The following MUSK variants were observed in gnomAD, a reference collection of about 807,000 sequenced individuals.
MUSK encodes muscle associated receptor tyrosine kinase, also known as muscle, skeletal receptor tyrosine-protein kinase.
Under a neutral mutation model 88.7 loss-of-function variants are expected in MUSK, and 55 were observed. That is an observed-to-expected ratio of 0.62 (90% CI 0.50 to 0.78). The LOEUF is 0.78. MUSK is among the 30% of genes least tolerant of loss of function. The pLI is 0.00. For missense variants in MUSK, 1,015 were observed against 1,074.3 expected (o/e 0.94, Z 0.77); for synonymous variants, 387 against 391.9 (o/e 0.99, Z 0.15).
At chr9:110,729,778 A>C (rs142474410) in intron 5 of MUSK, among the ~76,000 whole-genome samples, 110 of 152,172 alleles carry the variant, frequency 7.2e-4, no homozygotes, top group African/African-American at 2.5e-3. Context: ...AGAAATAGAA[A>C]TTGATAAGAG....
Position 110,773,306 on chromosome 9 carries a change from T to C in MUSK, c.1185-2482T>C, listed in dbSNP as rs534464804. On this transcript the variant is annotated intron_variant, in intron 9 of 14. Coordinates refer to ENST00000374448, the MANE Select transcript of MUSK (RefSeq NM_005592.4). ...AACTTTAAAAATAAGGTGTTCAGGG[T>C]AGACTTAATTAAGTTAGCATAATTG... Among the ~76,000 whole-genome samples the C allele has an allele frequency of 9.9e-5, 15 of 152,206 alleles. 1 individual carries two copies. In the South Asian group the frequency reaches 3.1e-3, roughly 31 times the overall value.
At chr9:110,713,071 A>G (rs1260573035) in intron 5 of MUSK, among the ~76,000 whole-genome samples, 1 of 152,046 alleles carries the variant, frequency 6.6e-6, no homozygotes. Context: ...GAAAAAGAAA[A>G]TAGAGGAAAA....
chr9:110,681,618 A>G (rs929313755), intron 1 of MUSK, among the ~76,000 whole-genome samples: 1 of 152,068 alleles, frequency 6.6e-6, no homozygotes, highest in African/African-American at 2.4e-5. Flanking sequence ...GCTTAAACTG[A>G]ATCGTAAAAG....
At chr9:110,789,310 G>A (rs2077931697) in intron 14 of MUSK, among the ~76,000 whole-genome samples, 1 of 152,348 alleles carries the variant, frequency 6.6e-6, no homozygotes, top group East Asian at 1.9e-4. Context: ...TGTGAAAGTA[G>A]AGCCAAATAA....
chr9:110,738,085 T>C lies in MUSK; in HGVS notation c.753+3710T>C, dbSNP rs566355295. ...TTTCCATGACTTTGTAGGGAAAATG[T>C]ATCCATTCTCCTCTCAGTAAACCTC... On this transcript the variant is annotated intron_variant, in intron 6 of 14. Coordinates refer to ENST00000374448, the MANE Select transcript of MUSK (RefSeq NM_005592.4). Among the ~76,000 whole-genome samples the C allele has an allele frequency of 4.6e-5, 7 of 152,276 alleles. No homozygotes were observed. In the East Asian group the frequency reaches 1.4e-3, roughly 29 times the overall value.
intron 7 of MUSK, among the ~76,000 whole-genome samples, chr9:110,755,979 C>CAT (rs61338385): frequency 0.06 from 6,144 of 102,420 alleles, 323 homozygotes; most frequent in African/African-American, 0.11. Flanking sequence ...TATATATATA[C>CAT]ATATATATAT....
intron 1 of MUSK, among the ~76,000 whole-genome samples, chr9:110,679,096 CATTAT>C (rs2076071404): frequency 1.3e-5 from 2 of 151,884 alleles, no homozygotes; most frequent in Admixed American, 1.3e-4. Flanking sequence ...TATAAATGTA[CATTAT>C]ATCTAGTGTT....
At chr9:110,731,606 T>C (rs1179222801) in intron 5 of MUSK, among the ~76,000 whole-genome samples, 1 of 152,030 alleles carries the variant, frequency 6.6e-6, no homozygotes, top group Non-Finnish European at 1.5e-5. Flanking sequence ...CTGCACTTAA[T>C]GAAACCCATG....
At chr9:110,694,407 C>A (rs10980528) in intron 3 of MUSK, among the ~76,000 whole-genome samples, 28,487 of 102,754 alleles carry the variant, frequency 0.28, 4,346 homozygotes, top group Non-Finnish European at 0.37. Context: ...AAAAAAAAAA[C>A]AAAAAAACAA....
intron 5 of MUSK, among the ~76,000 whole-genome samples, chr9:110,723,256 C>CAG (rs1043565142): frequency 6.6e-6 from 1 of 151,608 alleles, no homozygotes; most frequent in Non-Finnish European, 1.5e-5. Context: ...CACACACACA[C>CAG]ACACACATAC....
chr9:110,748,400 C>T (rs1469480535), intron 7 of MUSK, among the ~76,000 whole-genome samples: 2 of 152,070 alleles, frequency 1.3e-5, no homozygotes, highest in Non-Finnish European at 2.9e-5. Flanking sequence ...GTGGTCTTTC[C>T]CTTCCCTGCT....
chr9:110,781,489 G>A (rs1455054590), intron 11 of MUSK, among the ~76,000 whole-genome samples: 1 of 152,150 alleles, frequency 6.6e-6, no homozygotes, highest in Non-Finnish European at 1.5e-5. Flanking sequence ...TGTTAGCCAG[G>A]ATGGTCTCGA....
intron 9 of MUSK, 48 bp downstream of exon 9, chr9:110,768,131 G>A: frequency 6.5e-7 from 1 of 1,531,424 alleles, no homozygotes; most frequent in Admixed American, 2.0e-5. Flanking sequence ...TTTTCTATCT[G>A]CACAACAGAA....
chr9:110,737,231 T>C (rs1587974108), intron 6 of MUSK, among the ~76,000 whole-genome samples: 1 of 152,032 alleles, frequency 6.6e-6, no homozygotes, highest in Non-Finnish European at 1.5e-5. Context: ...TGTCATTATA[T>C]AGACTTTAAC....
chr9:110,726,576 A>G (rs2076887086), intron 5 of MUSK, among the ~76,000 whole-genome samples: 1 of 152,054 alleles, frequency 6.6e-6, no homozygotes, highest in African/African-American at 2.4e-5. Context: ...AAAATTTACT[A>G]ATGGAAAAAG....
chr9:110,721,261 A>C (rs1303944896), intron 5 of MUSK, among the ~76,000 whole-genome samples: 1 of 152,138 alleles, frequency 6.6e-6, no homozygotes, highest in East Asian at 1.9e-4. Context: ...AAGAGAAAGA[A>C]ATAAAGGGCA....
At chr9:110,741,796 G>T (rs1401369413) in intron 6 of MUSK, among the ~76,000 whole-genome samples, 1 of 152,096 alleles carries the variant, frequency 6.6e-6, no homozygotes, top group Non-Finnish European at 1.5e-5. Flanking sequence ...CTTGAGGCAT[G>T]GTAGAATGAG....
Position 110,672,112 on chromosome 9 carries a change from C to T in MUSK, c.79+3129C>T, listed in dbSNP as rs7858219. On this transcript the variant is annotated intron_variant, in intron 1 of 14. Coordinates refer to ENST00000374448, the MANE Select transcript of MUSK (RefSeq NM_005592.4). ...ATATTGACATGCATTGAAAGAGTTA[C>T]TCATTGCATGTTTGAGTAAACAGAG... is the stretch of plus-strand genomic sequence containing the variant. Among the ~76,000 whole-genome samples, 1,174 of 152,274 alleles carry T rather than the reference C, an allele frequency of 7.7e-3. 9 individuals are homozygous for T. The highest frequency in any genetic ancestry group is 0.027 in the African/African-American group (1,116 of 41,556).
intron 2 of MUSK, among the ~76,000 whole-genome samples, chr9:110,683,289 T>C (rs1375293665): frequency 6.6e-6 from 1 of 152,122 alleles, no homozygotes; most frequent in African/African-American, 2.4e-5. Context: ...GTTCCATCCA[T>C]GTCTTTGCAA....
Sources: gnomAD v4.1 joint callset for allele counts (sites outside exome capture counted in the v4.1 genomes callset) on GRCh38, gnomAD v4.1.1 for gene constraint, MANE v1.5 for transcripts, NCBI Gene and HGNC (gene_info 2026-07-23, HGNC 2026-07-21) for gene names.